The following DOCK1 variants were observed in gnomAD, a reference collection of about 807,000 sequenced individuals.
DOCK1 encodes dedicator of cytokinesis 1.
In DOCK1, 138 loss-of-function variants were observed where a neutral mutation model predicts 262.7. The observed-to-expected ratio is 0.53, with a 90% CI of 0.46 to 0.61. DOCK1 has a LOEUF of 0.61. Among genes scored for constraint, DOCK1 ranks in the 20% least tolerant of loss-of-function variants. The pLI is 0.00. For missense variants in DOCK1, 1,908 were observed against 2,370.7 expected (o/e 0.80, Z 4.05); for synonymous variants, 866 against 867.4 (o/e 1.00, Z 0.03).
intron 4 of DOCK1, 114 bp from the exon 5 acceptor site, chr10:126,987,407 C>T: frequency 1.4e-6 from 1 of 722,684 alleles, no homozygotes; most frequent in South Asian, 1.9e-5. Context: ...TGTAGATTTT[C>T]TTCCCATTTG....
chr10:127,317,075 G>A (rs2062315814), intron 29 of DOCK1, among the ~76,000 whole-genome samples: 1 of 142,494 alleles, frequency 7.0e-6, no homozygotes, highest in African/African-American at 2.9e-5. Context: ...CCTTAGGAAA[G>A]CTATTTTTGA....
chr10:127,104,765 G>A (rs7901086), intron 23 of DOCK1, among the ~76,000 whole-genome samples: 34,179 of 152,094 alleles, frequency 0.22, 5,500 homozygotes, highest in African/African-American at 0.46. Context: ...CTTAAAATCT[G>A]GCAACTTTTC....
At chr10:127,006,155 C>T (rs1054967204) in intron 10 of DOCK1, among the ~76,000 whole-genome samples, 10 of 152,186 alleles carry the variant, frequency 6.6e-5, no homozygotes, top group Non-Finnish European at 1.2e-4. Context: ...GTTGCTGACT[C>T]GCAGGGTGTG....
intron 29 of DOCK1, among the ~76,000 whole-genome samples, chr10:127,298,081 CAG>C (rs1275622641): frequency 6.6e-6 from 1 of 152,140 alleles, no homozygotes; most frequent in Non-Finnish European, 1.5e-5. Flanking sequence ...AAGTGTGAAT[CAG>C]TGTGAATTTT....
intron 27 of DOCK1, among the ~76,000 whole-genome samples, chr10:127,214,765 C>T (rs1423206240): frequency 6.6e-6 from 1 of 152,120 alleles, no homozygotes; most frequent in African/African-American, 2.4e-5. Context: ...ACAGAGGCCC[C>T]CAGTGTTTCT....
At chr10:127,404,289 C>G in intron 39 of DOCK1, 36 bp from the exon 40 acceptor site, 3 of 1,575,696 alleles carry the variant, frequency 1.9e-6, no homozygotes, top group Non-Finnish European at 1.7e-6. Flanking sequence ...TGCTTGAATA[C>G]TCAAACCTGA....
At chr10:127,047,854 C>T (rs2044451266) in intron 21 of DOCK1, among the ~76,000 whole-genome samples, 3 of 152,192 alleles carry the variant, frequency 2.0e-5, no homozygotes. Context: ...TTTTGCTCCT[C>T]TCTATTTCTG....
intron 27 of DOCK1, among the ~76,000 whole-genome samples, chr10:127,131,760 T>A (rs1198774290): frequency 6.6e-6 from 1 of 152,184 alleles, no homozygotes; most frequent in Non-Finnish European, 1.5e-5. Context: ...CAGTAGACCT[T>A]CTAGAGTGGA....
intron 2 of DOCK1, 103 bp from the exon 3 acceptor site, chr10:126,977,845 C>T (rs2038663661): frequency 1.8e-6 from 2 of 1,128,140 alleles, no homozygotes; most frequent in Non-Finnish European, 2.7e-6. Flanking sequence ...ACAAACTGAC[C>T]TCACTGGTTC....
At chr10:126,987,409 TC>T (rs2039483374) in intron 4 of DOCK1, 111 bp from the exon 5 acceptor site, 1 of 740,202 alleles carries the variant, frequency 1.4e-6, no homozygotes, top group East Asian at 2.7e-5. Flanking sequence ...TAGATTTTCT[TC>T]CCATTTGCTT....
rs768660448 is a variant in DOCK1, at chr10:127,100,909, G to A, written c.2446-5322G>A. Among the ~76,000 whole-genome samples the A allele has an allele frequency of 2.6e-5, 4 of 152,104 alleles. No individual in the cohort carries two copies. Among genetic ancestry groups the A allele is most frequent in the Non-Finnish European group, 4.4e-5 (3 of 67,996 alleles). ...TTGCCCACACTGTGGGGTATTGTCC[G>A]ATGGAGCAGAGGCTCGCAGGGCCTG... On this transcript the variant is annotated intron_variant, in intron 23 of 51. Transcript: ENST00000623213. The surrounding 1 kb of genome is among the most constrained non-coding windows in gnomAD (Gnocchi z 5.5).
intron 43 of DOCK1, among the ~76,000 whole-genome samples, chr10:127,413,951 G>T (rs961034956): frequency 6.6e-6 from 1 of 151,188 alleles, no homozygotes; most frequent in African/African-American, 2.4e-5. Context: ...TTGCTCTGTT[G>T]CCTAGGCTGA....
At chr10:127,082,193 C>T (rs577508357) in intron 23 of DOCK1, among the ~76,000 whole-genome samples, 7 of 152,254 alleles carry the variant, frequency 4.6e-5, no homozygotes, top group African/African-American at 9.6e-5. Flanking sequence ...AGGAAACAAA[C>T]GCTTTCCTTT....
chr10:127,370,364 G>A (rs554966852), intron 33 of DOCK1, among the ~76,000 whole-genome samples: 97 of 152,292 alleles, frequency 6.4e-4, no homozygotes, highest in Non-Finnish European at 1.1e-3. Flanking sequence ...CATCAAGGCG[G>A]TGAGTGGTCT....
At position 127,176,406 on chromosome 10, in the gene DOCK1, T is replaced by G. The variant is rs2055160964; in HGVS notation, c.2847+48642T>G. On this transcript the variant is annotated intron_variant, in intron 27 of 51. Coordinates refer to ENST00000623213, the MANE Select transcript of DOCK1 (RefSeq NM_001290223.2). This position sits in a 1 kb window ranked among gnomAD's most constrained non-coding sequence, Gnocchi z 4.4. ...GTCCTTACTGACCATGGTTCCTGCA[T>G]TCAGAAACAGCAACAGAGGTGTCAG... 6.3e-7 allele frequency: 1 copy of G among 1,587,560 alleles called. No individual in the cohort carries two copies. The highest frequency in any genetic ancestry group is 1.3e-5 in the African/African-American group (1 of 74,568).
At chr10:127,145,652 G>A (rs548479725) in intron 27 of DOCK1, among the ~76,000 whole-genome samples, 27 of 152,270 alleles carry the variant, frequency 1.8e-4, no homozygotes, top group African/African-American at 5.1e-4. Flanking sequence ...ATGGGAGTGC[G>A]TCTGTCTAGA....
chr10:127,264,816 G>A (rs115621900), intron 29 of DOCK1, among the ~76,000 whole-genome samples: 549 of 152,184 alleles, frequency 3.6e-3, no homozygotes, highest in African/African-American at 0.013. Flanking sequence ...ACATACCACC[G>A]TGCCCAGCTA....
At chr10:127,320,379 A>G (rs12267251) in intron 29 of DOCK1, among the ~76,000 whole-genome samples, 7,110 of 152,292 alleles carry the variant, frequency 0.047, 523 homozygotes, top group African/African-American at 0.16. Flanking sequence ...GCCAAGGAGC[A>G]GTTGCGTAAG....
intron 24 of DOCK1, among the ~76,000 whole-genome samples, chr10:127,107,561 C>A (rs1203783129): frequency 6.6e-6 from 1 of 152,170 alleles, no homozygotes; most frequent in African/African-American, 2.4e-5. Flanking sequence ...GCCCACCTGG[C>A]GCGCTGTAGA....
Sources: gnomAD v4.1 joint callset for allele counts (sites outside exome capture counted in the v4.1 genomes callset) on GRCh38, gnomAD v4.1.1 for gene constraint, Gnocchi (gnomAD v3.1) non-coding constraint, MANE v1.5 for transcripts, NCBI Gene and HGNC (gene_info 2026-07-23, HGNC 2026-07-21) for gene names.